Variants in PCDH11X observed in about 807,000 individuals in gnomAD.
PCDH11X encodes the protein protocadherin 11 X-linked.
In PCDH11X, 18 loss-of-function variants were observed where a neutral mutation model predicts 53.3. That is an observed-to-expected ratio of 0.34 (90% CI 0.23 to 0.50). The LOEUF (loss-of-function observed/expected upper bound fraction) is 0.50, where lower values mean the gene tolerates loss of function less well. PCDH11X is among the 20% of genes least tolerant of loss of function. PCDH11X has a pLI of 0.98. For synonymous variants in PCDH11X, 279 were observed against 393.3 expected, an observed-to-expected ratio of 0.71 and a Z score of 3.44; for missense variants, 570 against 1,032.4, an observed-to-expected ratio of 0.55 and a Z score of 6.14.
chrX:92,054,820 CAAAAAA>C (rs1174448342), intron 6 of PCDH11X, among the ~76,000 whole-genome samples: 1 of 25,345 alleles, frequency 3.9e-5, no homozygotes, highest in African/African-American at 1.1e-4. Flanking sequence ...AACTCTGTCT[CAAAAAA>C]AAAAAAAAAA....
At chrX:92,074,928 G>A (rs1228482923) in intron 6 of PCDH11X, among the ~76,000 whole-genome samples, 2 of 110,851 alleles carry the variant, frequency 1.8e-5, no homozygotes, top group Non-Finnish European at 3.8e-5. Flanking sequence ...TAAGTGCAAT[G>A]TGTGTGCTAT....
chrX:92,287,843 C>T (rs2068409549), intron 8 of PCDH11X: 2 of 458,534 alleles, frequency 4.4e-6, no homozygotes, highest in East Asian at 3.8e-5. Context: ...GTGATTGGCT[C>T]ATGGGGGCAT....
At chrX:92,388,332 G>T (rs1347285289) in intron 9 of PCDH11X, among the ~76,000 whole-genome samples, 1 of 108,704 alleles carries the variant, frequency 9.2e-6, no homozygotes, top group Non-Finnish European at 1.9e-5. Flanking sequence ...AAAAACCATT[G>T]ACAGTTATTT....
chrX:92,263,045 A>T, intron 7 of PCDH11X, 69 bp from the exon 8 acceptor site: 1 of 1,121,256 alleles, frequency 8.9e-7, no homozygotes, highest in Non-Finnish European at 1.2e-6. Context: ...CAGTAACCAA[A>T]TTTGAGCTGA....
intron 6 of PCDH11X, among the ~76,000 whole-genome samples, chrX:92,005,393 C>T (rs1414962354): frequency 9.0e-6 from 1 of 110,991 alleles, no homozygotes; most frequent in Non-Finnish European, 1.9e-5. Flanking sequence ...TACCGTGAGG[C>T]TTGCAAATAC....
At chrX:91,991,963 G>GT (rs34012763) in intron 6 of PCDH11X, among the ~76,000 whole-genome samples, 32,065 of 106,084 alleles carry the variant, frequency 0.3, 3,852 homozygotes, top group African/African-American at 0.41. Flanking sequence ...TGTCACTTAA[G>GT]TTTTTTTTTA....
At chrX:92,563,636 A>T (rs1921095310) in intron 10 of PCDH11X, among the ~76,000 whole-genome samples, 2 of 111,967 alleles carry the variant, frequency 1.8e-5, no homozygotes, top group Admixed American at 1.9e-4. Flanking sequence ...AAATAAAGAC[A>T]TTCCCAGACA....
chrX:91,901,639 AT>A (rs1266452706), intron 6 of PCDH11X, among the ~76,000 whole-genome samples: 1 of 111,385 alleles, frequency 9.0e-6, no homozygotes, highest in East Asian at 2.8e-4. Flanking sequence ...AATATTAGAC[AT>A]TTTACTCTAT....
intron 10 of PCDH11X, among the ~76,000 whole-genome samples, chrX:92,491,503 C>T (rs2073765946): frequency 1.8e-5 from 2 of 110,127 alleles, no homozygotes; most frequent in African/African-American, 3.3e-5. Flanking sequence ...TACACCTCTG[C>T]GTAGTAAAAA....
chrX:91,966,639 G>A (rs1181764649), intron 6 of PCDH11X, among the ~76,000 whole-genome samples: 1 of 109,888 alleles, frequency 9.1e-6, no homozygotes, highest in Non-Finnish European at 1.9e-5. Flanking sequence ...AGAACTTAAA[G>A]TAAAATTTAA....
At chrX:91,802,477 A>G (rs1425490017) in intron 1 of PCDH11X, among the ~76,000 whole-genome samples, 1 of 111,483 alleles carries the variant, frequency 9.0e-6, no homozygotes, top group African/African-American at 3.3e-5. Context: ...TCCTCACCCC[A>G]TATTAAAGTT....
intron 1 of PCDH11X, among the ~76,000 whole-genome samples, chrX:91,801,138 C>T (rs1186396156): frequency 3.2e-5 from 3 of 93,517 alleles, no homozygotes; most frequent in Non-Finnish European, 6.4e-5. Context: ...CATGATCATG[C>T]CACTGCACTC....
chrX:92,383,390 T>C (rs2070931898), intron 8 of PCDH11X, among the ~76,000 whole-genome samples: 1 of 108,865 alleles, frequency 9.2e-6, no homozygotes, highest in African/African-American at 3.4e-5. Context: ...GTGTTTTACA[T>C]AAGTATACAC....
At chrX:92,561,381 A>T (rs1162170938) in intron 10 of PCDH11X, among the ~76,000 whole-genome samples, 1 of 93,951 alleles carries the variant, frequency 1.1e-5, no homozygotes, top group Non-Finnish European at 2.1e-5. Flanking sequence ...AGCTGTGTTA[A>T]GGAATCTCAA....
chrX:91,919,237 G>C (rs906172668), intron 6 of PCDH11X, among the ~76,000 whole-genome samples: 1 of 111,210 alleles, frequency 9.0e-6, no homozygotes, highest in African/African-American at 3.3e-5. Context: ...ACTACCAATT[G>C]CCTGTTTAAA....
intron 8 of PCDH11X, among the ~76,000 whole-genome samples, chrX:92,365,449 C>T (rs1015665931): frequency 6.4e-5 from 7 of 109,998 alleles, no homozygotes; most frequent in Non-Finnish European, 9.5e-5. Context: ...ACCATGTTGC[C>T]TTGGCTGGTC....
At chrX:92,210,230 C>CTTTTTTTT (rs146233770) in intron 7 of PCDH11X, among the ~76,000 whole-genome samples, 1 of 41,079 alleles carries the variant, frequency 2.4e-5, no homozygotes, top group Non-Finnish European at 4.0e-5. Flanking sequence ...AGAAAATGGG[C>CTTTTTTTT]TTTTTTTTTT....
At chrX:92,008,152 G>A (rs954978261) in intron 6 of PCDH11X, among the ~76,000 whole-genome samples, 3 of 111,385 alleles carry the variant, frequency 2.7e-5, no homozygotes, top group South Asian at 3.8e-4. Context: ...TGACTTCTCC[G>A]GCTGGTGCCT....
At chrX:91,782,232 G>A (rs1341944744) in intron 1 of PCDH11X, among the ~76,000 whole-genome samples, 1 of 108,938 alleles carries the variant, frequency 9.2e-6, no homozygotes, top group African/African-American at 3.3e-5. Flanking sequence ...AGAGGCGGGG[G>A]TGGCCACTGC....
Sources: gnomAD v4.1 joint callset for allele counts (sites outside exome capture counted in the v4.1 genomes callset) on GRCh38, gnomAD v4.1.1 for gene constraint, MANE v1.5 for transcripts, NCBI Gene and HGNC (gene_info 2026-07-23, HGNC 2026-07-21) for gene names.